Variants in KCNIP4 observed in about 807,000 individuals in gnomAD.
KCNIP4 encodes the protein Kv channel-interacting protein 4.
In KCNIP4, 12 loss-of-function variants were observed where a neutral mutation model predicts 34.0. The observed-to-expected ratio is 0.35, with a 90% confidence interval of 0.23 to 0.57. The LOEUF (loss-of-function observed/expected upper bound fraction) is 0.57. Ranked by LOEUF, KCNIP4 falls within the 20% of genes least tolerant of loss-of-function variation. The probability of loss-of-function intolerance (pLI) is 0.83; values close to 1 mark genes in which losing one functional copy is unlikely to be tolerated. For missense variants in KCNIP4, 238 were observed against 311.7 expected (o/e 0.76, Z 1.78); for synonymous variants, 124 against 102.2 (o/e 1.21, Z -1.29).
intron 1 of KCNIP4, among the ~76,000 whole-genome samples, chr4:21,248,667 A>G (rs543652246): frequency 1.3e-5 from 2 of 152,286 alleles, no homozygotes; most frequent in Admixed American, 6.5e-5. Context: ...ATAGAGCCCA[A>G]TTCCAGAAGT....
At chr4:21,867,515 T>C (rs1725505188) in intron 1 of KCNIP4, among the ~76,000 whole-genome samples, 1 of 152,200 alleles carries the variant, frequency 6.6e-6, no homozygotes, top group African/African-American at 2.4e-5. Context: ...GTAGCGTTCT[T>C]CCAGTTCCTT....
chr4:21,581,544 T>C (rs964379123), intron 1 of KCNIP4, among the ~76,000 whole-genome samples: 2 of 152,018 alleles, frequency 1.3e-5, no homozygotes, highest in Non-Finnish European at 1.5e-5. Context: ...AAAAGTATTT[T>C]CAAAGCCTCT....
chr4:21,834,599 A>G lies in KCNIP4; in HGVS notation c.61+113972T>C, dbSNP rs368507618. ...TACCCTTTATTTCCTTCTCTTGCCT[A>G]ATTGCCCTGGCCAGAACTTCCAACA... On this transcript the variant is annotated intron_variant, in intron 1 of 8. Transcript: ENST00000382152. Among the ~76,000 whole-genome samples, 1,254 of 152,166 alleles carry G rather than the reference A, an allele frequency of 8.2e-3. 13 individuals are homozygous for G. The highest frequency in any genetic ancestry group is 0.028 in the South Asian group (133 of 4,814).
chr4:21,442,809 C>T (rs1560410243), intron 1 of KCNIP4, among the ~76,000 whole-genome samples: 1 of 152,236 alleles, frequency 6.6e-6, no homozygotes, highest in East Asian at 1.9e-4. Flanking sequence ...CTTTGATATG[C>T]TAGCAACTCC....
At chr4:21,370,800 AATATATATATATATATATAT>A (rs1173506757) in intron 1 of KCNIP4, among the ~76,000 whole-genome samples, 40 of 17,982 alleles carry the variant, frequency 2.2e-3, no homozygotes, top group South Asian at 6.7e-3. Flanking sequence ...CATGGATTGA[AATATATATATATATATATAT>A]ATATATATAT....
intron 1 of KCNIP4, chr4:21,848,169 C>T (rs543273700): frequency 9.9e-5 from 15 of 152,228 alleles, no homozygotes; most frequent in Non-Finnish European, 1.8e-4. Context: ...TGAATTAATT[C>T]TCTGTGCTTC....
Position 21,513,329 on chromosome 4 carries a change from G to A in KCNIP4, c.61+435242C>T, listed in dbSNP as rs370547560. On this transcript the variant is annotated intron_variant, in intron 1 of 8. Transcript: ENST00000382152. ...GGCAAATAACTTAACAGCTCATTAC[G>A]TTAAAGAAACTTCCTGAAAAATCCA... Among the ~76,000 whole-genome samples the A allele has an allele frequency of 1.8e-3, 272 of 152,198 alleles. 3 individuals are homozygous for A. The highest frequency in any genetic ancestry group is 6.3e-3 in the African/African-American group (263 of 41,516).
chr4:21,491,403 A>T (rs1732386528), intron 1 of KCNIP4, among the ~76,000 whole-genome samples: 1 of 152,012 alleles, frequency 6.6e-6, no homozygotes, highest in African/African-American at 2.4e-5. Context: ...TTGAGACAAG[A>T]TCTCTCTGTT....
intron 1 of KCNIP4, among the ~76,000 whole-genome samples, chr4:20,931,979 T>C (rs1340809022): frequency 1.6e-5 from 1 of 63,150 alleles, no homozygotes; most frequent in African/African-American, 7.8e-5. Context: ...ACTATAATAG[T>C]CTATAACAGT....
At chr4:21,817,939 C>T (rs888050036) in intron 1 of KCNIP4, among the ~76,000 whole-genome samples, 2 of 152,096 alleles carry the variant, frequency 1.3e-5, no homozygotes, top group East Asian at 1.9e-4. Flanking sequence ...CTGCTTTTGC[C>T]CTTTGTCCTG....
At chr4:21,898,437 T>A (rs1001325906) in intron 1 of KCNIP4, among the ~76,000 whole-genome samples, 3 of 152,088 alleles carry the variant, frequency 2.0e-5, no homozygotes, top group African/African-American at 7.2e-5. Flanking sequence ...TTGCAACCTG[T>A]ATGCCAGTTC....
At chr4:21,475,183 A>G (rs1010892368) in intron 1 of KCNIP4, among the ~76,000 whole-genome samples, 2 of 152,196 alleles carry the variant, frequency 1.3e-5, no homozygotes, top group African/African-American at 2.4e-5. Flanking sequence ...AATACTGTTA[A>G]AAGACACACA....
At chr4:21,099,192 A>G (rs1747721555) in intron 1 of KCNIP4, among the ~76,000 whole-genome samples, 1 of 152,232 alleles carries the variant, frequency 6.6e-6, no homozygotes, top group South Asian at 2.1e-4. Context: ...AGCACTATTC[A>G]CAATAGCAAA....
chr4:21,414,919 A>G (rs1724816232), intron 1 of KCNIP4, among the ~76,000 whole-genome samples: 1 of 152,012 alleles, frequency 6.6e-6, no homozygotes, highest in African/African-American at 2.4e-5. Flanking sequence ...TGGGGTATTC[A>G]CCTCCTCAAG....
intron 1 of KCNIP4, among the ~76,000 whole-genome samples, chr4:21,452,755 A>T (rs1471250060): frequency 1.3e-5 from 2 of 151,240 alleles, no homozygotes; most frequent in Non-Finnish European, 2.9e-5. Flanking sequence ...AGAAAGCCAC[A>T]TTGTCTGCTA....
intron 1 of KCNIP4, among the ~76,000 whole-genome samples, chr4:21,874,416 C>G (rs1303015172): frequency 6.6e-6 from 1 of 152,164 alleles, no homozygotes; most frequent in African/African-American, 2.4e-5. Flanking sequence ...CCTGAGCTCT[C>G]TGGCTTTCAG....
intron 1 of KCNIP4, among the ~76,000 whole-genome samples, chr4:21,261,619 G>T (rs1404218147): frequency 6.6e-6 from 1 of 152,026 alleles, no homozygotes; most frequent in Non-Finnish European, 1.5e-5. Context: ...TCTCACTAAT[G>T]GTCACCCCAT....
chr4:20,856,904 CT>C (rs1721638874), intron 2 of KCNIP4, among the ~76,000 whole-genome samples: 1 of 152,102 alleles, frequency 6.6e-6, no homozygotes, highest in Non-Finnish European at 1.5e-5. Flanking sequence ...AATTCTGGGC[CT>C]TTGTATCGGG....
At chr4:21,551,121 A>T (rs1738544973) in intron 1 of KCNIP4, among the ~76,000 whole-genome samples, 1 of 152,144 alleles carries the variant, frequency 6.6e-6, no homozygotes, top group Non-Finnish European at 1.5e-5. Flanking sequence ...ACGTAGATAT[A>T]TGTGAATAAA....
Sources: allele counts gnomAD v4.1 joint callset (sites outside exome capture counted in the v4.1 genomes callset), GRCh38; gene constraint gnomAD v4.1.1; transcripts MANE v1.5; gene names NCBI Gene and HGNC (gene_info 2026-07-23, HGNC 2026-07-21).